The following PAK5 variants were observed in gnomAD, a reference collection of about 807,000 sequenced individuals.
PAK5 encodes the protein serine/threonine-protein kinase PAK 5.
A neutral mutation model predicts 65.9 loss-of-function variants in PAK5; 16 were observed. The observed-to-expected ratio is 0.24, with a 90% confidence interval of 0.16 to 0.37. The LOEUF is 0.37. Among genes scored for constraint, PAK5 ranks in the 10% least tolerant of loss-of-function variants. The probability of loss-of-function intolerance (pLI) is 1.00; values close to 1 mark genes in which losing one functional copy is unlikely to be tolerated. For missense variants in PAK5, 785 were observed against 903.9 expected, an observed-to-expected ratio of 0.87 and a Z score of 1.69; for synonymous variants, 371 against 354.9, an observed-to-expected ratio of 1.05 and a Z score of -0.51.
chr20:9,632,897 A>T (rs1026393760), intron 3 of PAK5, among the ~76,000 whole-genome samples: 16 of 152,208 alleles, frequency 1.1e-4, no homozygotes, highest in African/African-American at 3.1e-4. Flanking sequence ...TTGGAGTCAG[A>T]TAGGTATAAG....
At chr20:9,663,739 T>A (rs751502811) in intron 2 of PAK5, among the ~76,000 whole-genome samples, 1 of 152,182 alleles carries the variant, frequency 6.6e-6, no homozygotes, top group Non-Finnish European at 1.5e-5. Context: ...TACATTACCA[T>A]TGAGAGGGTC....
At chr20:9,614,570 A>G (rs770625342) in intron 3 of PAK5, among the ~76,000 whole-genome samples, 14 of 152,206 alleles carry the variant, frequency 9.2e-5, no homozygotes, top group Non-Finnish European at 1.9e-4. Context: ...AAAATCCCAA[A>G]AGATGCCAAA....
At chr20:9,705,655 T>C (rs1261135425) in intron 2 of PAK5, among the ~76,000 whole-genome samples, 1 of 152,156 alleles carries the variant, frequency 6.6e-6, no homozygotes, top group Non-Finnish European at 1.5e-5. Flanking sequence ...GTTGGTTACC[T>C]ATACATCTTA....
chr20:9,732,687 G>A (rs1001990041), intron 1 of PAK5, among the ~76,000 whole-genome samples: 4 of 152,132 alleles, frequency 2.6e-5, no homozygotes, highest in African/African-American at 9.7e-5. Context: ...GGGCTATAGG[G>A]AGTTCAAGGG....
chr20:9,579,994 C>T, intron 4 of PAK5, 151 bp downstream of exon 4: 1 of 604,046 alleles, frequency 1.7e-6, no homozygotes, highest in Non-Finnish European at 2.8e-6. Context: ...GCCCTGGGGC[C>T]TCACAAGTGG....
intron 2 of PAK5, among the ~76,000 whole-genome samples, chr20:9,696,824 G>T (rs1600254897): frequency 6.6e-6 from 1 of 151,980 alleles, no homozygotes; most frequent in African/African-American, 2.4e-5. Flanking sequence ...TATACAATCT[G>T]GGAAGATCCA....
At chr20:9,561,921 C>T (rs770566229) in intron 6 of PAK5, among the ~76,000 whole-genome samples, 3 of 152,078 alleles carry the variant, frequency 2.0e-5, no homozygotes, top group African/African-American at 4.8e-5. Context: ...GAAAGTTTGC[C>T]GTAAATGCAG....
At chr20:9,590,163 G>A (rs2046142091) in intron 3 of PAK5, among the ~76,000 whole-genome samples, 1 of 151,872 alleles carries the variant, frequency 6.6e-6, no homozygotes, top group Non-Finnish European at 1.5e-5. Context: ...TAGAGAGGAG[G>A]TCTCATTATG....
At chr20:9,572,519 A>G (rs2045808278) in intron 4 of PAK5, among the ~76,000 whole-genome samples, 1 of 152,262 alleles carries the variant, frequency 6.6e-6, no homozygotes, top group Non-Finnish European at 1.5e-5. Context: ...CATTCTAGAA[A>G]AAAAATGAGT....
intron 7 of PAK5, among the ~76,000 whole-genome samples, chr20:9,548,825 T>A (rs2045383979): frequency 6.6e-6 from 1 of 152,212 alleles, no homozygotes; most frequent in Non-Finnish European, 1.5e-5. Context: ...AAATTATTAA[T>A]GTGATTTTTT....
rs556173010 is a variant in PAK5 at position 9,667,639 on chromosome 20, A to G, written c.-11-23300T>C. Among the ~76,000 whole-genome samples, 50 of 152,262 alleles carry G rather than the reference A, an allele frequency of 3.3e-4. No individual in the cohort carries two copies. The South Asian group carries it at 0.01, about 31-fold the overall frequency. ...CCCTGTGGAATATAAAAATCACCCA[A>G]CCAAATGTTGATCAAACTCCTGACC... is the stretch of plus-strand genomic sequence containing the variant. On this transcript the variant is annotated intron_variant, in intron 2 of 9. Coordinates refer to ENST00000353224, the MANE Select transcript of PAK5 (RefSeq NM_177990.4).
At chr20:9,713,578 T>TG (rs2048104617) in intron 1 of PAK5, among the ~76,000 whole-genome samples, 1 of 152,084 alleles carries the variant, frequency 6.6e-6, no homozygotes, top group African/African-American at 2.4e-5. Context: ...TTTATTTCAG[T>TG]GCTATTCATA....
intron 3 of PAK5, among the ~76,000 whole-genome samples, chr20:9,617,402 C>T (rs1600148995): frequency 6.6e-6 from 1 of 152,154 alleles, no homozygotes; most frequent in East Asian, 1.9e-4. Flanking sequence ...TCTTCCCAGA[C>T]GATTTTATTT....
At chr20:9,783,882 T>G (rs2048967012) in intron 1 of PAK5, among the ~76,000 whole-genome samples, 1 of 152,156 alleles carries the variant, frequency 6.6e-6, no homozygotes, top group Non-Finnish European at 1.5e-5. Flanking sequence ...CTAAAAATCT[T>G]CCATCTGTAA....
chr20:9,823,113 A>C (rs1305517828), intron 1 of PAK5, among the ~76,000 whole-genome samples: 1 of 152,186 alleles, frequency 6.6e-6, no homozygotes. Flanking sequence ...AGAAAAGCTT[A>C]AGGAAGCAAG....
chr20:9,543,376 C>T (rs1371250672), intron 8 of PAK5, among the ~76,000 whole-genome samples: 2 of 151,936 alleles, frequency 1.3e-5, no homozygotes, highest in Non-Finnish European at 2.9e-5. Context: ...CTATAAACTC[C>T]CAGTCCCACT....
chr20:9,762,854 G>A (rs6039569), intron 1 of PAK5, among the ~76,000 whole-genome samples: 17,392 of 152,094 alleles, frequency 0.11, 1,728 homozygotes, highest in East Asian at 0.33. Context: ...GCCAAGAAAC[G>A]GAAACAACTT....
chr20:9,744,207 A>C (rs1417791127), intron 1 of PAK5, among the ~76,000 whole-genome samples: 1 of 152,210 alleles, frequency 6.6e-6, no homozygotes, highest in Non-Finnish European at 1.5e-5. Context: ...GAGAGAATAG[A>C]TGTCAACTGT....
At position 9,660,879 on chromosome 20, in the gene PAK5, G is replaced by A. The variant is rs1423453612; in HGVS notation, c.-11-16540C>T. The stretch of plus-strand genomic sequence containing the variant: ...CAGAGATGGAACAGGAAGTCAGGCC[G>A]CACAGGGCAGTAGTTCTTCAAGTGT... On this transcript the variant is annotated intron_variant, in intron 2 of 9. Coordinates refer to ENST00000353224, the MANE Select transcript of PAK5 (RefSeq NM_177990.4). 8.5e-5 allele frequency among the ~76,000 whole-genome samples: 13 copies of A among 152,236 alleles called. No individual in the cohort carries two copies. In the East Asian group the frequency reaches 1.2e-3, roughly 14 times the overall value.
Sources: gnomAD v4.1 joint callset for allele counts (sites outside exome capture counted in the v4.1 genomes callset) on GRCh38, gnomAD v4.1.1 for gene constraint, MANE v1.5 for transcripts, NCBI Gene and HGNC (gene_info 2026-07-23, HGNC 2026-07-21) for gene names.